Variants in MCTP2 observed in about 807,000 individuals in gnomAD.
The protein encoded by MCTP2 is multiple C2 and transmembrane domain containing 2.
In MCTP2, 132 loss-of-function variants were observed where a neutral mutation model predicts 111.6. The observed-to-expected ratio is 1.18, with a 90% CI of 1.03 to 1.37. The LOEUF is 1.37. Among genes scored for constraint, MCTP2 ranks in the 40% most tolerant of loss-of-function variants. The pLI, the probability that MCTP2 is intolerant of heterozygous loss-of-function variation, is 0.00. For missense variants in MCTP2, 1,183 were observed against 1,067.9 expected (o/e 1.11, Z -1.50); for synonymous variants, 395 against 387.7 (o/e 1.02, Z -0.22).
chr15:94,424,292 T>G (rs1233544178), intron 17 of MCTP2, among the ~76,000 whole-genome samples: 1 of 152,162 alleles, frequency 6.6e-6, no homozygotes, highest in Non-Finnish European at 1.5e-5. Context: ...GATTACATAT[T>G]TGGATATTTT....
At chr15:94,319,513 G>A (rs2076531986) in intron 4 of MCTP2, among the ~76,000 whole-genome samples, 1 of 152,120 alleles carries the variant, frequency 6.6e-6, no homozygotes, top group African/African-American at 2.4e-5. Context: ...GTGGGGCCTG[G>A]GAATTTGCGT....
intron 20 of MCTP2, among the ~76,000 whole-genome samples, chr15:94,469,152 G>A (rs1232629171): frequency 6.6e-5 from 10 of 151,938 alleles, no homozygotes; most frequent in South Asian, 2.1e-4. Flanking sequence ...CTAAAATCCC[G>A]TCTCCCATAA....
In MCTP2 at chr15:94,440,281, A is replaced by T; in HGVS notation, c.2191A>T (p.Ser731Cys). Residue 731 changes from serine to cysteine, a missense_variant, in exon 18 of 23, where the codon AGC becomes TGC. Physicochemically the swap from Ser to Cys is moderately radical, Grantham distance 112 (BLOSUM62 -1). Coordinates refer to ENST00000357742, the MANE Select transcript of MCTP2 (RefSeq NM_001385001.1). ...FIRPVKGKVS[S>C]IQDSQESTDI... is the part of the protein sequence containing the mutation. ...CAGACCTGTGAAAGGCAAGGTCAGC[A>T]GCATCCAGGACAGCCAGGTAAGCAA... is the stretch of plus-strand genomic sequence containing the variant. 2 of 1,614,182 alleles carry T rather than the reference A, an allele frequency of 1.2e-6. No individual in the cohort carries two copies. Among genetic ancestry groups the T allele is most frequent in the Non-Finnish European group, 1.7e-6 (2 of 1,180,006 alleles).
rs752368871 is a variant in MCTP2, at chr15:94,399,959, G to C, written c.1929G>C (p.Lys643Asn). ...ASIRTFTPRE[K>N]RFVEDSRKLS... ...TTAGGACTTTTACTCCCCGGGAAAA[G>C]CGCTTTGTTGAAGACAGCCGCAAGC... The change falls in exon 16 of 23, where the codon AAG becomes AAC. Residue 643 changes from lysine to asparagine, a missense_variant. Lys to Asn is a moderately conservative substitution (Grantham distance 94, BLOSUM62 0). Transcript: ENST00000357742. 1 of 1,613,906 alleles carries C rather than the reference G, an allele frequency of 6.2e-7. No individual in the cohort carries two copies. The highest frequency in any genetic ancestry group is 1.3e-5 in the African/African-American group (1 of 74,904).
At chr15:94,427,197 A>G (rs1183513562) in intron 17 of MCTP2, among the ~76,000 whole-genome samples, 2 of 151,950 alleles carry the variant, frequency 1.3e-5, no homozygotes, top group African/African-American at 2.4e-5. Context: ...ATGCACTCCA[A>G]TTTTTGCCTC....
At chr15:94,234,066 C>T (rs2070375345) in intron 1 of MCTP2, among the ~76,000 whole-genome samples, 1 of 151,868 alleles carries the variant, frequency 6.6e-6, no homozygotes, top group South Asian at 2.1e-4. Context: ...GGAGGTGAAA[C>T]AGCCAGACAC....
At chr15:94,236,511 C>T (rs949866741) in intron 1 of MCTP2, among the ~76,000 whole-genome samples, 2 of 148,104 alleles carry the variant, frequency 1.4e-5, no homozygotes, top group African/African-American at 5.0e-5. Context: ...GGGTATAAAC[C>T]TAAGGTTGCT....
intron 20 of MCTP2, among the ~76,000 whole-genome samples, chr15:94,469,522 G>C (rs1307587111): frequency 6.6e-6 from 1 of 152,156 alleles, no homozygotes; most frequent in African/African-American, 2.4e-5. Context: ...AACAAGTCTG[G>C]AAATTCTAAA....
intron 20 of MCTP2, among the ~76,000 whole-genome samples, chr15:94,464,257 T>TATTATATATATATATATATATATTA (rs4001978): frequency 6.7e-5 from 3 of 44,944 alleles, no homozygotes; most frequent in African/African-American, 1.8e-4. Context: ...TATATATATA[T>TATTATATATATATATATATATATTA]TATATATATA....
chr15:94,322,551 C>T (rs1202396751), intron 4 of MCTP2, among the ~76,000 whole-genome samples: 1 of 152,106 alleles, frequency 6.6e-6, no homozygotes, highest in Non-Finnish European at 1.5e-5. Context: ...TTTACAAAAA[C>T]AGGCAGTGGT....
chr15:94,474,270 A>G (rs900504805), intron 21 of MCTP2, among the ~76,000 whole-genome samples: 1 of 152,078 alleles, frequency 6.6e-6, no homozygotes, highest in Non-Finnish European at 1.5e-5. Context: ...GCTCTTTTCC[A>G]TGCTCACTTC....
Position 94,336,434 on chromosome 15 carries a change from A to G in MCTP2, c.638-2856A>G, listed in dbSNP as rs1325327226. Reference sequence around the variant, plus strand: ...TGCTGCCCCTTAGGTGAAGAAGAGCAGGATCTGGGATGGATGCACCATGTA... The same window carrying G: ...TGCTGCCCCTTAGGTGAAGAAGAGCGGGATCTGGGATGGATGCACCATGTA... On this transcript the variant is annotated intron_variant, in intron 4 of 22. Coordinates refer to ENST00000357742, the MANE Select transcript of MCTP2 (RefSeq NM_001385001.1). Among the ~76,000 whole-genome samples the G allele has an allele frequency of 3.3e-5, 5 of 152,170 alleles. No homozygotes were observed. The East Asian group carries it at 7.7e-4, about 23-fold the overall frequency.
chr15:94,284,675 G>A (rs138322256), intron 1 of MCTP2, among the ~76,000 whole-genome samples: 19 of 152,292 alleles, frequency 1.2e-4, no homozygotes, highest in African/African-American at 4.1e-4. Context: ...CAGTGGTTTC[G>A]TCTGCTAGGG....
intron 1 of MCTP2, among the ~76,000 whole-genome samples, chr15:94,268,079 G>A (rs1312574023): frequency 6.6e-6 from 1 of 151,018 alleles, no homozygotes; most frequent in East Asian, 1.9e-4. Context: ...TGATAGCCAG[G>A]ATGGTCTCAA....
chr15:94,351,669 T>C (rs2078309889), intron 8 of MCTP2, among the ~76,000 whole-genome samples: 1 of 152,252 alleles, frequency 6.6e-6, no homozygotes, highest in Non-Finnish European at 1.5e-5. Context: ...ATTTGGCACC[T>C]GGCAGGTATG....
chr15:94,427,935 T>C (rs145348064), intron 17 of MCTP2, among the ~76,000 whole-genome samples: 444 of 152,314 alleles, frequency 2.9e-3, no homozygotes, highest in Admixed American at 6.1e-3. Flanking sequence ...CATGCTAGCT[T>C]AACAACAATA....
At chr15:94,372,865 G>A (rs111615251) in intron 12 of MCTP2, among the ~76,000 whole-genome samples, 30 of 152,128 alleles carry the variant, frequency 2.0e-4, no homozygotes, top group African/African-American at 6.3e-4. Flanking sequence ...GGAACCTTTC[G>A]TTCTTTCTGC....
intron 20 of MCTP2, among the ~76,000 whole-genome samples, chr15:94,467,441 A>T (rs1275655695): frequency 2.4e-4 from 36 of 152,198 alleles, no homozygotes; most frequent in Non-Finnish European, 7.3e-5. Flanking sequence ...AATATGACCA[A>T]TGGAATATAA....
intron 20 of MCTP2, among the ~76,000 whole-genome samples, chr15:94,467,409 CT>C (rs57965544): frequency 1.3e-4 from 7 of 54,460 alleles, no homozygotes; most frequent in East Asian, 8.5e-4. Context: ...ATAGTTGTTA[CT>C]TACTTTTATT....
Sources: gnomAD v4.1 joint callset for allele counts (sites outside exome capture counted in the v4.1 genomes callset) on GRCh38, gnomAD v4.1.1 for gene constraint, MANE v1.5 for transcripts, NCBI Gene and HGNC (gene_info 2026-07-23, HGNC 2026-07-21) for gene names.